The following DCC variants were observed in gnomAD, a reference collection of about 807,000 sequenced individuals.
DCC encodes the protein DCC netrin 1 receptor, also known as netrin receptor DCC.
A neutral mutation model predicts 172.5 loss-of-function variants in DCC; 58 were observed. The observed-to-expected ratio is 0.34, with a 90% confidence interval of 0.27 to 0.42. DCC has a LOEUF of 0.42. Ranked by LOEUF, DCC falls within the 10% of genes least tolerant of loss-of-function variation. The pLI is 1.00. For synonymous variants in DCC, 709 were observed against 644.5 expected, an observed-to-expected ratio of 1.10 and a Z score of -1.52; for missense variants, 1,740 against 1,791.0, an observed-to-expected ratio of 0.97 and a Z score of 0.51.
intron 22 of DCC, among the ~76,000 whole-genome samples, chr18:53,435,893 G>C (rs1215134828): frequency 1.3e-5 from 2 of 152,108 alleles, no homozygotes; most frequent in East Asian, 3.8e-4. Context: ...ACTAATACTG[G>C]CCAAATTTTC....
intron 12 of DCC, among the ~76,000 whole-genome samples, chr18:53,277,456 C>T (rs1031637600): frequency 2.0e-5 from 3 of 152,196 alleles, no homozygotes; most frequent in African/African-American, 7.2e-5. Flanking sequence ...AATGTTACTA[C>T]TGCTTCAACA....
chr18:53,015,700 C>T (rs1373764544), intron 5 of DCC, among the ~76,000 whole-genome samples: 2 of 151,922 alleles, frequency 1.3e-5, no homozygotes, highest in African/African-American at 2.4e-5. Context: ...CAATAGAGAT[C>T]GATAGACTTA....
intron 16 of DCC, among the ~76,000 whole-genome samples, chr18:53,388,758 T>A (rs1028732743): frequency 2.6e-5 from 4 of 152,212 alleles, no homozygotes; most frequent in African/African-American, 9.6e-5. Context: ...TGAAGTACAA[T>A]CCACATGTAA....
At chr18:53,002,285 ATCC>A (rs2041578145) in intron 5 of DCC, among the ~76,000 whole-genome samples, 1 of 152,172 alleles carries the variant, frequency 6.6e-6, no homozygotes. Context: ...GGAAAAAGTA[ATCC>A]TCATCATCAC....
At chr18:53,337,645 T>TG (rs780940103) in intron 14 of DCC, among the ~76,000 whole-genome samples, 14 of 152,110 alleles carry the variant, frequency 9.2e-5, no homozygotes, top group South Asian at 4.1e-4. Context: ...GGGCCATCTT[T>TG]GGGGGAAAAA....
chr18:52,800,439 C>T (rs2037962889), intron 2 of DCC, among the ~76,000 whole-genome samples: 1 of 152,164 alleles, frequency 6.6e-6, no homozygotes, highest in Non-Finnish European at 1.5e-5. Flanking sequence ...GAGATTTGAG[C>T]AGCATCTTAT....
intron 7 of DCC, among the ~76,000 whole-genome samples, chr18:53,120,007 T>C (rs1301361601): frequency 6.6e-6 from 1 of 151,894 alleles, no homozygotes; most frequent in Non-Finnish European, 1.5e-5. Flanking sequence ...TATATTCAAG[T>C]TATAGTCTCA....
At chr18:53,431,484 T>C (rs1457519492) in intron 21 of DCC, among the ~76,000 whole-genome samples, 2 of 151,706 alleles carry the variant, frequency 1.3e-5, no homozygotes, top group Non-Finnish European at 2.9e-5. Context: ...GTTGTTGTTG[T>C]TGTTGTTGTT....
chr18:52,714,416 A>C (rs1447121984), intron 1 of DCC, among the ~76,000 whole-genome samples: 1 of 152,222 alleles, frequency 6.6e-6, no homozygotes, highest in Admixed American at 6.5e-5. Context: ...GAAGCAATTT[A>C]TTTAGGGTAG....
At chr18:53,528,959 C>T (rs115366585) in intron 28 of DCC, among the ~76,000 whole-genome samples, 2,585 of 144,574 alleles carry the variant, frequency 0.018, 74 homozygotes, top group African/African-American at 0.061. Context: ...ACAATGAAAA[C>T]AACATTTTGG....
intron 8 of DCC, among the ~76,000 whole-genome samples, chr18:53,168,079 G>T (rs1395563119): frequency 6.6e-6 from 1 of 152,174 alleles, no homozygotes; most frequent in Non-Finnish European, 1.5e-5. Flanking sequence ...TATTGGAGAG[G>T]ATATGGAGAA....
chr18:53,149,196 A>G (rs1020433179), intron 7 of DCC, among the ~76,000 whole-genome samples: 2 of 152,152 alleles, frequency 1.3e-5, no homozygotes, highest in African/African-American at 4.8e-5. Context: ...CTACATCTCC[A>G]GACAGCCATT....
intron 1 of DCC, among the ~76,000 whole-genome samples, chr18:52,365,528 G>A (rs1022283508): frequency 6.6e-6 from 1 of 152,006 alleles, no homozygotes; most frequent in African/African-American, 2.4e-5. Context: ...TGCTTGGGTG[G>A]GGTTTATGGT....
At chr18:52,732,365 G>C (rs2036655956) in intron 1 of DCC, among the ~76,000 whole-genome samples, 1 of 152,138 alleles carries the variant, frequency 6.6e-6, no homozygotes, top group African/African-American at 2.4e-5. Flanking sequence ...AATAATCATG[G>C]ATTGTGTCTT....
At chr18:53,203,519 G>A (rs1050303078) in intron 9 of DCC, among the ~76,000 whole-genome samples, 4 of 152,154 alleles carry the variant, frequency 2.6e-5, no homozygotes, top group African/African-American at 9.7e-5. Flanking sequence ...TACATGTTCT[G>A]CCATGAATAG....
chr18:53,232,388 CA>C (rs942966258), intron 12 of DCC, among the ~76,000 whole-genome samples: 1 of 152,166 alleles, frequency 6.6e-6, no homozygotes, highest in African/African-American at 2.4e-5. Context: ...GTGCTACAAT[CA>C]CATTGATGTT....
chr18:53,498,345 T>TA (rs1201804614), intron 26 of DCC, among the ~76,000 whole-genome samples: 2 of 152,220 alleles, frequency 1.3e-5, no homozygotes, highest in African/African-American at 4.8e-5. Flanking sequence ...TCACTGCATT[T>TA]TGTTTTGATT....
chr18:53,467,758 T>C (rs2045639077), intron 24 of DCC, 136 bp from the exon 25 acceptor site: 3 of 748,790 alleles, frequency 4.0e-6, no homozygotes, highest in African/African-American at 3.4e-5. Context: ...ATGAAATAGA[T>C]TCAGGTAACA....
chr18:53,385,879 T>A (rs1174323273), intron 15 of DCC, among the ~76,000 whole-genome samples, 164 bp from the exon 16 acceptor site: 1 of 152,228 alleles, frequency 6.6e-6, no homozygotes, highest in Non-Finnish European at 1.5e-5. Context: ...AAAACCCTAC[T>A]GCTACCACCC....
Sources: allele counts gnomAD v4.1 joint callset (sites outside exome capture counted in the v4.1 genomes callset), GRCh38; gene constraint gnomAD v4.1.1; transcripts MANE v1.5; gene names NCBI Gene and HGNC (gene_info 2026-07-23, HGNC 2026-07-21).